The following RAD51AP1 variants were observed in gnomAD, a reference collection of about 807,000 sequenced individuals.
RAD51AP1 encodes the protein RAD51 associated protein 1.
A neutral mutation model predicts 34.3 loss-of-function variants in RAD51AP1; 14 were observed. The ratio of observed to expected loss-of-function variants is 0.41; its 90% CI spans 0.27 to 0.64. The LOEUF (loss-of-function observed/expected upper bound fraction) is 0.64. Ranked by LOEUF, RAD51AP1 falls within the 30% of genes least tolerant of loss-of-function variation. The probability of loss-of-function intolerance (pLI) is 0.33; values close to 1 mark genes in which losing one functional copy is unlikely to be tolerated. For synonymous variants in RAD51AP1, 114 were observed against 129.8 expected (o/e 0.88, Z 0.83); for missense variants, 348 against 386.9 (o/e 0.90, Z 0.84).
intron 3 of RAD51AP1, chr12:4,545,779 C>T: frequency 6.2e-7 from 1 of 1,607,942 alleles, no homozygotes. Context: ...CCTTTAATTG[C>T]AGACTCCCTG....
intron 5 of RAD51AP1, 111 bp downstream of exon 5, chr12:4,548,289 C>T: frequency 7.4e-7 from 1 of 1,358,930 alleles, no homozygotes; most frequent in Non-Finnish European, 1.0e-6. Flanking sequence ...TGTCAAGACT[C>T]TCTTGATGTC....
intron 3 of RAD51AP1, among the ~76,000 whole-genome samples, chr12:4,545,553 T>C (rs1944499926): frequency 1.3e-5 from 2 of 152,268 alleles, no homozygotes; most frequent in Non-Finnish European, 1.5e-5. Context: ...GTAAACTTTA[T>C]GATATGTGAA....
At chr12:4,552,841 C>A in intron 6 of RAD51AP1, 142 bp from the exon 7 acceptor site, 1 of 646,544 alleles carries the variant, frequency 1.5e-6, no homozygotes, top group Non-Finnish European at 2.3e-6. Flanking sequence ...CAGGCACCCA[C>A]AATGGCAACC....
chr12:4,557,594 T>G (rs992741831), intron 8 of RAD51AP1, among the ~76,000 whole-genome samples: 1 of 152,176 alleles, frequency 6.6e-6, no homozygotes, highest in Admixed American at 6.5e-5. Flanking sequence ...TAATTAATGC[T>G]TCCCCAATGA....
In RAD51AP1 at chr12:4,541,874, T is replaced by G. The variant is rs536515066; in HGVS notation, c.18-10T>G. ...TTTGTGTTAATGAAAAAATTCTGTT[T>G]TGGTCATAGACATAAGAAACCAGTC... On this transcript the variant is annotated splice_polypyrimidine_tract_variant and intron_variant, in intron 1 of 8. Transcript: ENST00000352618. The G allele has an allele frequency of 1.4e-6, 2 of 1,440,886 alleles. No homozygotes were observed. The highest frequency in any genetic ancestry group is 2.6e-5 in the East Asian group (1 of 38,344). The allele number at this position is 1,440,886 out of a possible 1,614,324, so 89.3% of individuals were successfully genotyped here. A position where few individuals can be genotyped will look rare whatever the true frequency, so the allele number is the denominator to read the frequency against.
intron 6 of RAD51AP1, among the ~76,000 whole-genome samples, chr12:4,551,594 C>G (rs1565526444): frequency 6.6e-6 from 1 of 151,718 alleles, no homozygotes; most frequent in East Asian, 1.9e-4. Flanking sequence ...ATTGACTCAA[C>G]TGCTTCAGCA....
intron 4 of RAD51AP1, among the ~76,000 whole-genome samples, chr12:4,546,947 C>T (rs1393007736): frequency 6.6e-6 from 1 of 152,154 alleles, no homozygotes; most frequent in Non-Finnish European, 1.5e-5. Flanking sequence ...GAAAAAGATA[C>T]TCTACTGCTA....
intron 3 of RAD51AP1, among the ~76,000 whole-genome samples, chr12:4,544,708 A>T (rs1401650206): frequency 6.6e-6 from 1 of 152,218 alleles, no homozygotes; most frequent in Non-Finnish European, 1.5e-5. Context: ...CTGTATCCAG[A>T]GTATACACAG....
At chr12:4,545,892 T>A in intron 3 of RAD51AP1, 1 of 1,561,374 alleles carries the variant, frequency 6.4e-7, no homozygotes, top group Middle Eastern at 1.7e-4. Flanking sequence ...TGTAAAAAAA[T>A]GATAATAATT....
intron 4 of RAD51AP1, 69 bp from the exon 5 acceptor site, chr12:4,548,023 A>G (rs1944518424): frequency 7.0e-7 from 1 of 1,438,310 alleles, no homozygotes; most frequent in African/African-American, 1.5e-5. Flanking sequence ...ACATTTTAGT[A>G]CTAATTTTCC....
At chr12:4,546,225 G>A in intron 3 of RAD51AP1, 84 bp from the exon 4 acceptor site, 2 of 1,023,272 alleles carry the variant, frequency 2.0e-6, no homozygotes, top group Non-Finnish European at 2.9e-6. Flanking sequence ...CTCTTGAATA[G>A]TAATTTGGAG....
intron 3 of RAD51AP1, among the ~76,000 whole-genome samples, chr12:4,544,164 C>T (rs370141394): frequency 0.14 from 21,368 of 152,068 alleles, 1,918 homozygotes; most frequent in Middle Eastern, 0.21. Flanking sequence ...TTTGACAGGA[C>T]CCAGCACTTA....
intron 1 of RAD51AP1, among the ~76,000 whole-genome samples, chr12:4,539,434 C>A (rs959436838): frequency 6.6e-6 from 1 of 152,108 alleles, no homozygotes; most frequent in African/African-American, 2.4e-5. Context: ...GTATTAGAAA[C>A]GATTCTTCTA....
At chr12:4,547,924 C>G (rs1264757893) in intron 4 of RAD51AP1, among the ~76,000 whole-genome samples, 168 bp from the exon 5 acceptor site, 8 of 152,074 alleles carry the variant, frequency 5.3e-5, no homozygotes. Context: ...ATTTCAGAGC[C>G]CAGACTTCTA....
rs771932691 is a variant in RAD51AP1 at position 4,543,854 on chromosome 12, C to T, written c.159C>T (p.Asn53=). ...AAGATAAACCAAAACCTAACTTGAA[C>T]AATCTCCGGAAAGAAGAAATCCCAG... ...LKQDKPKPNL[N]NLRKEEIPVQ... The change falls in exon 3 of 9, where the codon AAC becomes AAT. Residue 53 remains asparagine, a synonymous_variant. Coordinates refer to ENST00000352618, the MANE Select transcript of RAD51AP1 (RefSeq NM_006479.5). The T allele has an allele frequency of 6.2e-7, 1 of 1,612,368 alleles. No individual in the cohort carries two copies. The highest frequency in any genetic ancestry group is 8.5e-7 in the Non-Finnish European group (1 of 1,179,026).
intron 1 of RAD51AP1, among the ~76,000 whole-genome samples, chr12:4,541,295 A>G (rs1385174889): frequency 1.3e-5 from 2 of 152,228 alleles, no homozygotes; most frequent in Non-Finnish European, 2.9e-5. Flanking sequence ...AGCATTTCAG[A>G]TAAGGGATAC....
At chr12:4,540,194 G>A (rs1944453062) in intron 1 of RAD51AP1, among the ~76,000 whole-genome samples, 1 of 152,136 alleles carries the variant, frequency 6.6e-6, no homozygotes, top group Non-Finnish European at 1.5e-5. Context: ...TATTAAGATA[G>A]GGAAGACTAG....
rs770084380 is a variant in RAD51AP1, at chr12:4,548,074, C to T, written c.320-18C>T. On this transcript the variant is annotated intron_variant, in intron 4 of 8. Coordinates refer to ENST00000352618, the MANE Select transcript of RAD51AP1 (RefSeq NM_006479.5). ...ATTAAGATATATCTGAATTTTCTTTCTTATTCCTTATATTTAGGCATTGAA... is the reference window on the plus strand; with the variant it reads ...ATTAAGATATATCTGAATTTTCTTTTTTATTCCTTATATTTAGGCATTGAA... The T allele has an allele frequency of 1.3e-6, 2 of 1,575,966 alleles. No homozygotes were observed. Among genetic ancestry groups the T allele is most frequent in the South Asian group, 2.4e-5 (2 of 83,360 alleles).
chr12:4,542,945 A>G (rs956116083), intron 2 of RAD51AP1, among the ~76,000 whole-genome samples: 1 of 152,248 alleles, frequency 6.6e-6, no homozygotes, highest in African/African-American at 2.4e-5. Flanking sequence ...CATTATGGTA[A>G]TGGAAAGAGA....
Sources: gnomAD v4.1 joint callset for allele counts (sites outside exome capture counted in the v4.1 genomes callset) on GRCh38, gnomAD v4.1.1 for gene constraint, MANE v1.5 for transcripts, NCBI Gene and HGNC (gene_info 2026-07-23, HGNC 2026-07-21) for gene names.